CHIC2: variants seen among roughly 807,000 people sequenced by gnomAD.
CHIC2 encodes cysteine-rich hydrophobic domain-containing protein 2.
In CHIC2, 14 loss-of-function variants were observed where a neutral mutation model predicts 25.9. The observed-to-expected ratio is 0.54, with a 90% confidence interval of 0.36 to 0.85. The LOEUF (loss-of-function observed/expected upper bound fraction) is 0.85. Ranked by LOEUF, CHIC2 falls within the 40% of genes least tolerant of loss-of-function variation. The pLI, the probability that CHIC2 is intolerant of heterozygous loss-of-function variation, is 0.01. For synonymous variants in CHIC2, 70 were observed against 72.0 expected (o/e 0.97, Z 0.14); for missense variants, 146 against 202.0 (o/e 0.72, Z 1.68).
At chr4:54,070,411 TATTTATG>T in the CHIC2 span, among the ~76,000 whole-genome samples, 150 of 81,658 alleles carry the variant, frequency 1.8e-3, no homozygotes, top group Non-Finnish European at 2.9e-3. Flanking sequence ...TTTATTTATG[TATTTATG>T]TATTTATTTA....
the CHIC2 span, among the ~76,000 whole-genome samples, chr4:54,072,120 C>T: frequency 2.0e-5 from 3 of 151,950 alleles, no homozygotes; most frequent in African/African-American, 4.8e-5. Flanking sequence ...TGGTGAAACT[C>T]CATCTCCACT....
intron 2 of CHIC2, 64 bp from the exon 3 acceptor site, chr4:54,049,174 G>A: frequency 6.4e-7 from 1 of 1,562,338 alleles, no homozygotes; most frequent in Non-Finnish European, 8.7e-7. Flanking sequence ...TGACTGATGA[G>A]CATACTTTTT....
chr4:54,022,693 G>A (rs981663630), intron 3 of CHIC2, among the ~76,000 whole-genome samples: 5 of 151,664 alleles, frequency 3.3e-5, no homozygotes, highest in East Asian at 3.9e-4. Flanking sequence ...CCACCTTAAC[G>A]CACAGGTACG....
chr4:54,053,837 C>T (rs570192108), intron 1 of CHIC2, among the ~76,000 whole-genome samples: 2 of 152,132 alleles, frequency 1.3e-5, no homozygotes, highest in South Asian at 4.1e-4. Context: ...GTTGTTCAGG[C>T]TGGAGTGCGG....
In CHIC2 at chr4:54,044,993, A is replaced by G. The variant is rs187612671; in HGVS notation, c.330+3962T>C. On this transcript the variant is annotated intron_variant, in intron 3 of 5. Coordinates refer to ENST00000263921, the MANE Select transcript of CHIC2 (RefSeq NM_012110.4). ...TCACCACCGATCCCACAGAAATACA[A>G]ACTACCATCAGAGAATACTGTAAAC... Among the ~76,000 whole-genome samples the G allele has an allele frequency of 2.0e-4, 31 of 152,178 alleles. No individual in the cohort carries two copies. In the East Asian group the frequency reaches 5.8e-3, roughly 28 times the overall value.
chr4:54,083,557 AC>A, the CHIC2 span, among the ~76,000 whole-genome samples: 2 of 152,158 alleles, frequency 1.3e-5, no homozygotes, highest in East Asian at 1.9e-4. Flanking sequence ...TGAGCTAGAA[AC>A]CCAAGTCCCC....
intron 3 of CHIC2, among the ~76,000 whole-genome samples, chr4:54,030,666 ATTTT>A (rs201197122): frequency 1.5e-5 from 2 of 134,684 alleles, no homozygotes; most frequent in African/African-American, 2.8e-5. Flanking sequence ...TAAAATGCTA[ATTTT>A]TTTTTTTTTT....
At chr4:54,064,743 G>A (rs1717466845), upstream of CHIC2, 3 of 747,500 alleles carry the variant, frequency 4.0e-6, no homozygotes, top group Non-Finnish European at 4.9e-6. This position sits in a 1 kb window ranked among gnomAD's most constrained non-coding sequence, Gnocchi z 4.2. Context: ...GCGCGCGCAC[G>A]TGCGGCCTCG....
chr4:54,079,779 TA>T, the CHIC2 span, among the ~76,000 whole-genome samples: 21 of 149,194 alleles, frequency 1.4e-4, no homozygotes, highest in African/African-American at 2.7e-4. Context: ...GTCTCAGAAA[TA>T]AAAAAAAACA....
chr4:54,020,141 G>T (rs1715855311), intron 3 of CHIC2, among the ~76,000 whole-genome samples: 1 of 152,158 alleles, frequency 6.6e-6, no homozygotes, highest in African/African-American at 2.4e-5. Context: ...TATACATCCA[G>T]ATGGCCTGAA....
the CHIC2 span, among the ~76,000 whole-genome samples, chr4:54,071,189 T>A: frequency 6.6e-6 from 1 of 152,224 alleles, no homozygotes; most frequent in South Asian, 2.1e-4. Flanking sequence ...AAGCTAAATG[T>A]GTATATAGAT....
chr4:54,012,304 T>G (rs1158859916), intron 5 of CHIC2, among the ~76,000 whole-genome samples: 1 of 152,084 alleles, frequency 6.6e-6, no homozygotes, highest in Non-Finnish European at 1.5e-5. Context: ...GTATCTTCTA[T>G]GATGGAGTGA....
chr4:54,059,498 G>A (rs554743948), intron 1 of CHIC2: 1 of 151,662 alleles, frequency 6.6e-6, no homozygotes, highest in East Asian at 1.9e-4. Context: ...CTGTGATCAG[G>A]CCCCTGCCCA....
chr4:54,034,026 A>G (rs543147269), intron 3 of CHIC2, among the ~76,000 whole-genome samples: 72 of 152,016 alleles, frequency 4.7e-4, no homozygotes, highest in African/African-American at 1.7e-3. Flanking sequence ...TCAGTCTGTC[A>G]ATTTCTAAAA....
the CHIC2 span, among the ~76,000 whole-genome samples, chr4:54,090,375 G>T: frequency 6.6e-6 from 1 of 152,046 alleles, no homozygotes; most frequent in Admixed American, 6.6e-5. Flanking sequence ...AGTAGAGATG[G>T]GGTTTCACTA....
chr4:54,046,540 A>C (rs375398315), intron 3 of CHIC2, among the ~76,000 whole-genome samples: 2 of 152,176 alleles, frequency 1.3e-5, no homozygotes, highest in South Asian at 2.1e-4. Flanking sequence ...CAAAAACAAG[A>C]AATGGGGAAA....
chr4:54,031,495 T>C (rs1224390472), intron 3 of CHIC2, among the ~76,000 whole-genome samples: 3 of 151,898 alleles, frequency 2.0e-5, no homozygotes, highest in Admixed American at 1.3e-4. Flanking sequence ...GAGGATACAG[T>C]AGTTAAGAAG....
the CHIC2 span, among the ~76,000 whole-genome samples, chr4:54,081,111 C>T: frequency 1.1e-3 from 165 of 151,554 alleles, no homozygotes; most frequent in African/African-American, 3.9e-3. Flanking sequence ...AATCCAGATT[C>T]CACTGCCTAT....
upstream of CHIC2, among the ~76,000 whole-genome samples, chr4:54,065,131 A>G (rs1717483436): frequency 6.6e-6 from 1 of 152,220 alleles, no homozygotes; most frequent in South Asian, 2.1e-4. Flanking sequence ...GAGACACTGC[A>G]AACATTTGTG....
Sources: gnomAD v4.1 joint callset for allele counts (sites outside exome capture counted in the v4.1 genomes callset) on GRCh38, gnomAD v4.1.1 for gene constraint, Gnocchi (gnomAD v3.1) non-coding constraint, MANE v1.5 for transcripts, NCBI Gene and HGNC (gene_info 2026-07-23, HGNC 2026-07-21) for gene names.